The following DNAH12 variants were observed in gnomAD, a reference collection of about 807,000 sequenced individuals.
DNAH12 encodes the protein axonemal beta dynein heavy chain 12.
In DNAH12, 285 loss-of-function variants were observed where a neutral mutation model predicts 371.5. The ratio of observed to expected loss-of-function variants is 0.77; its 90% CI spans 0.70 to 0.85. DNAH12 has a LOEUF of 0.85. Among genes scored for constraint, DNAH12 ranks in the 40% least tolerant of loss-of-function variants. The probability of loss-of-function intolerance (pLI) is 0.00; values close to 1 mark genes in which losing one functional copy is unlikely to be tolerated. For missense variants in DNAH12, 3,611 were observed against 3,689.4 expected, an observed-to-expected ratio of 0.98 and a Z score of 0.55; for synonymous variants, 1,200 against 1,213.0, an observed-to-expected ratio of 0.99 and a Z score of 0.22.
At chr3:57,327,876 G>A (rs1481450256) in intron 62 of DNAH12, among the ~76,000 whole-genome samples, 3 of 152,114 alleles carry the variant, frequency 2.0e-5, no homozygotes, top group Admixed American at 6.6e-5. Context: ...TGATAAAGGG[G>A]ATATCACCAC....
intron 13 of DNAH12, among the ~76,000 whole-genome samples, chr3:57,478,958 C>G (rs1049096340): frequency 4.6e-5 from 7 of 152,188 alleles, no homozygotes; most frequent in Admixed American, 6.5e-5. Flanking sequence ...CAGTACCAGC[C>G]ACTGCAAAAA....
chr3:57,543,315 G>GTTTTTTTTTTTTTTTTTTTTT (rs5849214), intron 1 of DNAH12, among the ~76,000 whole-genome samples: 3 of 70,286 alleles, frequency 4.3e-5, no homozygotes, highest in African/African-American at 6.3e-5. Flanking sequence ...ATCATTAATG[G>GTTTTTTTTTTTTTTTTTTTTT]TTTTTTTTTT....
intron 4 of DNAH12, among the ~76,000 whole-genome samples, chr3:57,511,771 A>G (rs1373259849): frequency 6.6e-6 from 1 of 152,200 alleles, no homozygotes; most frequent in African/African-American, 2.4e-5. Context: ...ACACCAGTAT[A>G]TCAGAAAATT....
intron 62 of DNAH12, among the ~76,000 whole-genome samples, chr3:57,330,078 G>A (rs574045470): frequency 1.3e-5 from 2 of 151,988 alleles, no homozygotes; most frequent in South Asian, 4.2e-4. Flanking sequence ...TGCTGGAGAG[G>A]ATGTGGAGAA....
At chr3:57,379,873 ATAAGT>A (rs1379552242) in intron 51 of DNAH12, among the ~76,000 whole-genome samples, 16 of 148,102 alleles carry the variant, frequency 1.1e-4, no homozygotes, top group Non-Finnish European at 1.6e-4. Context: ...AAAAAAAGAC[ATAAGT>A]TGAGAGAACA....
chr3:57,443,933 G>A (rs1162455886), intron 29 of DNAH12, among the ~76,000 whole-genome samples: 2 of 152,128 alleles, frequency 1.3e-5, no homozygotes, highest in East Asian at 1.9e-4. Context: ...GCCAGGCACA[G>A]TGGCTCACAC....
At chr3:57,330,376 T>C (rs1285973435) in intron 62 of DNAH12, among the ~76,000 whole-genome samples, 2 of 151,992 alleles carry the variant, frequency 1.3e-5, no homozygotes, top group Non-Finnish European at 2.9e-5. Flanking sequence ...TAGAATACTA[T>C]GCAGCCATAA....
rs1456314381 is a variant in DNAH12 at position 57,375,960 on chromosome 3, G to A, written c.8471C>T (p.Ala2824Val). The A allele has an allele frequency of 6.6e-6, 1 of 152,034 alleles. No homozygotes were observed. The highest frequency in any genetic ancestry group is 1.9e-4 in the East Asian group (1 of 5,204). 9.4% of individuals were successfully genotyped at this position (152,034 alleles called of 1,614,324 possible). The change falls in exon 54 of 74, where the codon GCC becomes GTC. Residue 2824 changes from alanine to valine, a missense_variant. Around this residue, in one of 3 missense-constraint regions of DNAH12, gnomAD observed 2,266 missense variants for 2,236.9 expected, o/e 1.01. Coordinates refer to ENST00000495027, the MANE Select transcript of DNAH12 (RefSeq NM_001366028.2). The stretch of plus-strand genomic sequence containing the variant: ...TATCTGAAGGTCATCTGCAGCTTGG[G>A]CCCATCTGTGCCATCAACCAAAGGC... The part of the protein sequence containing the change: ...GGLGGEKSRW[A>V]QAADDLQITY...
intron 58 of DNAH12, among the ~76,000 whole-genome samples, chr3:57,358,576 C>A (rs1339133911): frequency 6.6e-6 from 1 of 152,018 alleles, no homozygotes; most frequent in African/African-American, 2.4e-5. Context: ...CACTGTATAA[C>A]CACAAATGAA....
chr3:57,335,900 C>A (rs573418262), intron 60 of DNAH12, among the ~76,000 whole-genome samples: 101 of 152,320 alleles, frequency 6.6e-4, no homozygotes, highest in African/African-American at 2.3e-3. Context: ...CAGAGGAATT[C>A]AGGTCTCCTT....
intron 37 of DNAH12, among the ~76,000 whole-genome samples, chr3:57,417,570 G>A (rs975096861): frequency 2.0e-5 from 3 of 152,156 alleles, no homozygotes; most frequent in African/African-American, 4.8e-5. Flanking sequence ...GAACTTGAAT[G>A]ACAAAAATGT....
chr3:57,400,098 G>A (rs2153350772), intron 43 of DNAH12, among the ~76,000 whole-genome samples: 1 of 152,194 alleles, frequency 6.6e-6, no homozygotes, highest in East Asian at 1.9e-4. Context: ...AGACCAGACT[G>A]GCCAAATGGC....
intron 2 of DNAH12, among the ~76,000 whole-genome samples, chr3:57,537,905 A>T (rs1246346367): frequency 2.0e-5 from 3 of 152,008 alleles, no homozygotes; most frequent in Non-Finnish European, 4.4e-5. Context: ...GGATGGTCTC[A>T]ATCTCCTGAC....
intron 35 of DNAH12, among the ~76,000 whole-genome samples, chr3:57,423,316 T>G (rs1316299659): frequency 6.6e-6 from 1 of 152,224 alleles, no homozygotes; most frequent in Non-Finnish European, 1.5e-5. Context: ...ATGATACTTT[T>G]ATAAACAGTA....
intron 43 of DNAH12, chr3:57,402,418 A>G (rs1263962521): frequency 1.5e-6 from 2 of 1,305,082 alleles, no homozygotes; most frequent in Non-Finnish European, 2.0e-6. Context: ...TCACCGGGAC[A>G]GCAATAAAGC....
Position 57,446,581 on chromosome 3 carries a change from C to G in DNAH12, c.3895G>C (p.Val1299Leu). ...LAKALAVQCV[V>L]FNCSDGLDYL... ...TCTAGCCCATCAGAACAGTTGAACA[C>G]CACACACTGTACAGCAAGAGCTTTA... Residue 1299 changes from valine (V) to leucine (L), a missense_variant, in exon 26 of 74, where the codon GTG becomes CTG. By Grantham distance (32) the Val-to-Leu change is conservative. Transcript: ENST00000495027. 1 of 1,550,190 alleles carries G rather than the reference C, an allele frequency of 6.5e-7. No homozygotes were observed. Among genetic ancestry groups the G allele is most frequent in the Non-Finnish European group, 8.7e-7 (1 of 1,146,326 alleles).
At chr3:57,500,924 TCAAAAA>T (rs575859651) in intron 11 of DNAH12, among the ~76,000 whole-genome samples, 107 of 152,052 alleles carry the variant, frequency 7.0e-4, no homozygotes, top group African/African-American at 1.2e-3. Context: ...CCTGGCTAAT[TCAAAAA>T]CAAAAACAAA....
intron 11 of DNAH12, among the ~76,000 whole-genome samples, chr3:57,499,646 AAATATATATATATATAT>A (rs2067451482): frequency 6.2e-5 from 2 of 32,048 alleles, no homozygotes; most frequent in African/African-American, 1.3e-4. Context: ...AAAAAAAAAA[AAATATATATATATATAT>A]ATATATATAT....
rs74332693 is a variant in DNAH12 at position 57,540,921 on chromosome 3, C to A, written c.170+1780G>T. Among the ~76,000 whole-genome samples, 68 of 151,438 alleles carry A rather than the reference C, an allele frequency of 4.5e-4. 1 individual carries two copies. In the East Asian group the frequency reaches 6.4e-3, roughly 14 times the overall value. ...CTCCAGCCTGGGTGACAGAGCAAGA[C>A]CCTGTCTCAAAAAGAAAAAAAAAAA... On this transcript the variant is annotated intron_variant, in intron 2 of 73. Coordinates refer to ENST00000495027, the MANE Select transcript of DNAH12 (RefSeq NM_001366028.2).
Sources: gnomAD v4.1 joint callset for allele counts (sites outside exome capture counted in the v4.1 genomes callset) on GRCh38, gnomAD v4.1.1 for gene constraint, gnomAD v4.1.1 regional missense constraint, MANE v1.5 for transcripts, NCBI Gene and HGNC (gene_info 2026-07-23, HGNC 2026-07-21) for gene names.